The following GIGYF2 variants were observed in gnomAD, a reference collection of about 807,000 sequenced individuals.
The protein encoded by GIGYF2 is GRB10-interacting GYF protein 2.
GIGYF2 carries 25 observed loss-of-function variants against 208.1 expected under a neutral mutation model. That is an observed-to-expected ratio of 0.12 (90% CI 0.09 to 0.17). The LOEUF (loss-of-function observed/expected upper bound fraction) is 0.17, where lower values mean the gene tolerates loss of function less well. GIGYF2 is among the 10% of genes least tolerant of loss of function. GIGYF2 has a pLI of 1.00. For synonymous variants in GIGYF2, 534 were observed against 543.8 expected, an observed-to-expected ratio of 0.98 and a Z score of 0.25; for missense variants, 1,302 against 1,579.4, an observed-to-expected ratio of 0.82 and a Z score of 2.98.
chr2:232,729,705 G>T, intron 2 of GIGYF2: 1 of 769,286 alleles, frequency 1.3e-6, no homozygotes, highest in Non-Finnish European at 2.3e-6. Flanking sequence ...CCATCTGCTT[G>T]AATGCCTCTG....
In GIGYF2 at chr2:232,809,771, T is replaced by A; in HGVS notation, c.1858T>A (p.Tyr620Asn). ...CAGGCAGCAAGAACTCACAGCCTTA[T>A]ACCAGATGCAGCACCTGCAGTACCA... Reference protein sequence around the residue: ...LTRQQELTALYQMQHLQYQQF... With the variant: ...LTRQQELTALNQMQHLQYQQF... Residue 620 changes from tyrosine (Y) to asparagine (N), a missense_variant, in exon 16 of 29, where the codon TAC (tyrosine) becomes AAC (asparagine). Physicochemically the swap from Tyr to Asn is moderately radical, Grantham distance 143 (BLOSUM62 -2). Around this residue, in one of 8 missense-constraint regions of GIGYF2, gnomAD observed 701 missense variants for 793.0 expected, o/e 0.88. Coordinates refer to ENST00000373563, the MANE Select transcript of GIGYF2 (RefSeq NM_001103146.3). 1 of 1,611,234 alleles carries A rather than the reference T, an allele frequency of 6.2e-7. No homozygotes were observed.
At chr2:232,794,317 A>G (rs1351321367) in intron 12 of GIGYF2, among the ~76,000 whole-genome samples, 1 of 152,224 alleles carries the variant, frequency 6.6e-6, no homozygotes, top group Non-Finnish European at 1.5e-5. Flanking sequence ...TCATGACTTG[A>G]AACAGGTACT....
intron 12 of GIGYF2, among the ~76,000 whole-genome samples, chr2:232,792,110 T>C (rs1700085989): frequency 6.6e-6 from 1 of 152,196 alleles, no homozygotes; most frequent in Non-Finnish European, 1.5e-5. Context: ...TGCTTCCCTT[T>C]GTGCAGTTTC....
Position 232,823,644 on chromosome 2 carries a change from C to T in GIGYF2, c.2529+3659C>T, listed in dbSNP as rs113212362. Among the ~76,000 whole-genome samples, 876 of 152,158 alleles carry T rather than the reference C, an allele frequency of 5.8e-3. 3 individuals carry two copies. The highest frequency in any genetic ancestry group is 0.02 in the African/African-American group (834 of 41,510). ...TGGTGGGATTACAGGAGTGAGCCACCGCAACCTGACCTGTAATTTTCTTGT... is the reference window on the plus strand; with the variant it reads ...TGGTGGGATTACAGGAGTGAGCCACTGCAACCTGACCTGTAATTTTCTTGT... On this transcript the variant is annotated intron_variant, in intron 21 of 28. Transcript: ENST00000373563.
intron 8 of GIGYF2, among the ~76,000 whole-genome samples, chr2:232,779,908 G>C (rs960561954): frequency 2.0e-5 from 3 of 152,144 alleles, no homozygotes; most frequent in Non-Finnish European, 4.4e-5. Context: ...ACACTTGAGT[G>C]GGATGCCCTT....
At chr2:232,772,527 A>G (rs1328345274) in intron 8 of GIGYF2, among the ~76,000 whole-genome samples, 3 of 152,200 alleles carry the variant, frequency 2.0e-5, no homozygotes, top group Admixed American at 6.5e-5. Context: ...TTCTGCTGCA[A>G]ACAGTTTTCA....
intron 2 of GIGYF2, among the ~76,000 whole-genome samples, chr2:232,720,589 G>GT (rs1295951533): frequency 3.7e-5 from 5 of 135,740 alleles, no homozygotes; most frequent in African/African-American, 5.4e-5. Flanking sequence ...ATATATTTTT[G>GT]TTTGTTTGTT....
intron 21 of GIGYF2, among the ~76,000 whole-genome samples, chr2:232,825,634 C>G (rs145784610): frequency 1.9e-3 from 294 of 152,026 alleles, no homozygotes; most frequent in African/African-American, 6.8e-3. Flanking sequence ...GAAGATGTCG[C>G]GAACATTGTT....
chr2:232,833,191 C>CT (rs1559158566), intron 22 of GIGYF2, 98 bp downstream of exon 22: 4 of 622,026 alleles, frequency 6.4e-6, no homozygotes, highest in Admixed American at 6.7e-5. Flanking sequence ...TTCTTTCTTT[C>CT]TTTTTTTAAT....
chr2:232,731,520 A>G (rs925161100), intron 2 of GIGYF2, among the ~76,000 whole-genome samples: 1 of 152,194 alleles, frequency 6.6e-6, no homozygotes, highest in Non-Finnish European at 1.5e-5. Flanking sequence ...GAAAAACCTT[A>G]CAATTGATGT....
At position 232,762,238 on chromosome 2, in the gene GIGYF2, GTTTTTTTTT is replaced by G. The variant is rs11301320; in HGVS notation, c.532+805_532+813del. Reference sequence around the variant, plus strand: ...GTGTTAATCATGTCTTTTTTTTTTTGTTTTTTTTTTTGTTTTTTTTTGAGACAGAGTCTC... The same window carrying G: ...GTGTTAATCATGTCTTTTTTTTTTTGTTGTTTTTTTTTGAGACAGAGTCTC... On this transcript the variant is annotated intron_variant, in intron 8 of 28. Transcript: ENST00000373563. Among the ~76,000 whole-genome samples the G allele has an allele frequency of 4.6e-5, 6 of 129,140 alleles. No individual in the cohort carries two copies. In the East Asian group the frequency reaches 1.3e-3, roughly 28 times the overall value. The allele number at this position is 129,140 out of a possible 152,430, so 84.7% of individuals were successfully genotyped here. A position where few individuals can be genotyped will look rare whatever the true frequency, so the allele number is the denominator to read the frequency against.
At chr2:232,820,437 C>T (rs1212088836) in intron 21 of GIGYF2, among the ~76,000 whole-genome samples, 1 of 151,804 alleles carries the variant, frequency 6.6e-6, no homozygotes, top group East Asian at 1.9e-4. Context: ...GCTTTAGCCT[C>T]CCAAGTAGCT....
chr2:232,796,768 G>A (rs1700234594), intron 14 of GIGYF2, among the ~76,000 whole-genome samples: 1 of 152,098 alleles, frequency 6.6e-6, no homozygotes, highest in Non-Finnish European at 1.5e-5. Context: ...GGTGAGGCAG[G>A]AGAATCACTT....
chr2:232,856,871 G>A lies in GIGYF2; in HGVS notation c.*11G>A. On this transcript the variant is annotated 3_prime_UTR_variant, in exon 29 of 29. Transcript: ENST00000373563. ...TTGGATGACTACTGAGCACCTGCCA[G>A]TGGACTGGCCATCCCTCTCCTGTCT... 1 of 1,592,768 alleles carries A rather than the reference G, an allele frequency of 6.3e-7. No homozygotes were observed. The highest frequency in any genetic ancestry group is 1.3e-5 in the African/African-American group (1 of 74,638).
chr2:232,815,511 C>T, intron 18 of GIGYF2, 126 bp from the exon 19 acceptor site: 1 of 709,848 alleles, frequency 1.4e-6, no homozygotes, highest in South Asian at 1.5e-5. Context: ...TTCTCAGAGG[C>T]AAAACAGATG....
chr2:232,814,564 A>AAC lies in GIGYF2; in HGVS notation c.2108-1072_2108-1071dup, dbSNP rs1553616915. On this transcript the variant is annotated intron_variant, in intron 18 of 28. Transcript: ENST00000373563. ...GGTGACAGAGTGAGACTCCACCTCA[A>AAC]ACCCCCCCCCCCCAAAAAAAAAGTA... 1.4e-4 allele frequency among the ~76,000 whole-genome samples: 9 copies of AAC among 65,216 alleles called. 1 individual carries two copies. Among genetic ancestry groups the AAC allele is most frequent in the African/African-American group, 5.5e-4 (9 of 16,492 alleles). The allele number at this position is 65,216 out of a possible 152,430, so 42.8% of individuals were successfully genotyped here. A position where few individuals can be genotyped will look rare whatever the true frequency, so the allele number is the denominator to read the frequency against.
At chr2:232,704,715 AAC>A (rs1696006548) in intron 2 of GIGYF2, among the ~76,000 whole-genome samples, 1 of 151,662 alleles carries the variant, frequency 6.6e-6, no homozygotes, top group South Asian at 2.1e-4. Context: ...GCAGTTTTTA[AAC>A]GAAAATTCTT....
chr2:232,856,427 C>T (rs573706017), intron 28 of GIGYF2, among the ~76,000 whole-genome samples: 391 of 152,208 alleles, frequency 2.6e-3, no homozygotes, highest in African/African-American at 7.5e-3. Context: ...CGTTGGCTGA[C>T]GCCTGTAATC....
At chr2:232,728,253 G>C (rs1697297715) in intron 2 of GIGYF2, among the ~76,000 whole-genome samples, 1 of 152,128 alleles carries the variant, frequency 6.6e-6, no homozygotes, top group South Asian at 2.1e-4. Flanking sequence ...AGTTGGGGAG[G>C]GAGGCATGGG....
Sources: gnomAD v4.1 joint callset for allele counts (sites outside exome capture counted in the v4.1 genomes callset) on GRCh38, gnomAD v4.1.1 for gene constraint, gnomAD v4.1.1 regional missense constraint, MANE v1.5 for transcripts, NCBI Gene and HGNC (gene_info 2026-07-23, HGNC 2026-07-21) for gene names.